Variants in MIGA2 observed in about 807,000 individuals in gnomAD.
MIGA2 encodes the protein mitoguardin 2.
Under a neutral mutation model 69.9 loss-of-function variants are expected in MIGA2, and 36 were observed. The observed-to-expected ratio is 0.52, with a 90% CI of 0.39 to 0.68. The LOEUF is 0.68. Ranked by LOEUF, MIGA2 falls within the 30% of genes least tolerant of loss-of-function variation. The pLI is 0.00. For synonymous variants in MIGA2, 333 were observed against 349.2 expected (o/e 0.95, Z 0.52); for missense variants, 660 against 787.7 (o/e 0.84, Z 1.94).
intron 4 of MIGA2, among the ~76,000 whole-genome samples, chr9:129,049,043 ACT>A (rs933744682): frequency 2.6e-5 from 4 of 152,078 alleles, no homozygotes; most frequent in African/African-American, 4.8e-5. Context: ...CAGAATGGGT[ACT>A]CTCTGTCTTC....
Position 129,070,279 on chromosome 9 carries a change from C to CA in MIGA2, c.1608_1609insA (p.Asp537ArgfsTer80). On this transcript the variant is annotated frameshift_variant, in exon 16 of 16. Coordinates refer to ENST00000684074, the MANE Select transcript of MIGA2 (RefSeq NM_001329990.2). LOFTEE classifies it high-confidence loss of function. ...TTGTGCAGTACCTGAGGGACATGTT[C>CA]GACCTGGACAATGTGCGCTACACGT... 6.2e-7 allele frequency: 1 copy of CA among 1,613,086 alleles called. No homozygotes were observed. Among genetic ancestry groups the CA allele is most frequent in the Non-Finnish European group, 8.5e-7 (1 of 1,179,996 alleles).
intron 6 of MIGA2, among the ~76,000 whole-genome samples, chr9:129,051,982 C>T (rs568479991): frequency 3.2e-4 from 48 of 151,946 alleles, no homozygotes; most frequent in Non-Finnish European, 5.4e-4. Flanking sequence ...CCTACCACCA[C>T]GCCCAGCTAA....
At chr9:129,066,778 C>T (rs1290702264) in intron 11 of MIGA2, among the ~76,000 whole-genome samples, 2 of 147,728 alleles carry the variant, frequency 1.4e-5, no homozygotes, top group Non-Finnish European at 3.0e-5. Flanking sequence ...GCTAACATGG[C>T]GAAACCCCGT....
chr9:129,049,599 C>A, intron 5 of MIGA2, 101 bp downstream of exon 5: 1 of 1,299,986 alleles, frequency 7.7e-7, no homozygotes, highest in Non-Finnish European at 1.1e-6. Context: ...CCCCTCACTA[C>A]CCTGCCCCAA....
chr9:129,063,178 A>T, intron 9 of MIGA2, 66 bp from the exon 10 acceptor site: 4 of 1,566,042 alleles, frequency 2.6e-6, no homozygotes, highest in Non-Finnish European at 2.6e-6. Flanking sequence ...CCCAGGTGCC[A>T]CCTGACCCCC....
chr9:129,048,596 GACTCT>G (rs1845359161), intron 4 of MIGA2, 57 bp downstream of exon 4: 3 of 1,378,718 alleles, frequency 2.2e-6, no homozygotes, highest in Non-Finnish European at 3.1e-6. Context: ...CCCTGCTGAG[GACTCT>G]GCCCTCAGCA....
At chr9:129,041,268 G>A (rs1184267959) in intron 2 of MIGA2, among the ~76,000 whole-genome samples, 1 of 151,942 alleles carries the variant, frequency 6.6e-6, no homozygotes, top group Admixed American at 6.6e-5. Flanking sequence ...GGAGGCGGAG[G>A]TTGCAATGAG....
rs975105080 is a variant in MIGA2, at chr9:129,068,397, C to T, written c.1404+65C>T. 15 of 1,586,766 alleles carry T rather than the reference C, an allele frequency of 9.5e-6. No homozygotes were observed. Among genetic ancestry groups the T allele is most frequent in the African/African-American group, 8.0e-5 (6 of 74,706 alleles). ...ATCAGCCCGTGTGGTTGCCTGGCTC[C>T]GTCCCCTCTGTCCCTAGCACTGGCA... On this transcript the variant is annotated intron_variant, in intron 13 of 15. Coordinates refer to ENST00000684074, the MANE Select transcript of MIGA2 (RefSeq NM_001329990.2). The surrounding 1 kb of genome is among the most constrained non-coding windows in gnomAD (Gnocchi z 4.1).
intron 1 of MIGA2, among the ~76,000 whole-genome samples, chr9:129,040,081 G>A (rs1253015088): frequency 6.6e-6 from 1 of 152,222 alleles, no homozygotes; most frequent in African/African-American, 2.4e-5. Flanking sequence ...GTAAAAAGAT[G>A]CAATGATTCT....
chr9:129,063,546 G>A lies in MIGA2; in HGVS notation c.1085G>A (p.Gly362Glu), dbSNP rs1012380603. The A allele has an allele frequency of 4.3e-6, 7 of 1,613,764 alleles. No homozygotes were observed. The highest frequency in any genetic ancestry group is 4.2e-6 in the Non-Finnish European group (5 of 1,179,834). Residue 362 changes from glycine to glutamate, a missense_variant and splice_region_variant, in exon 11 of 16, where the codon GGG becomes GAG. Coordinates refer to ENST00000684074, the MANE Select transcript of MIGA2 (RefSeq NM_001329990.2). ...TCCCCTCCCTTCCTCCTTCCCTAGG[G>A]GCTTCTGGAAGACAAGAGTAACCAG... ...KLHCVRQAFE[G>E]LLEDKSNQLF...
intron 9 of MIGA2, 109 bp from the exon 10 acceptor site, chr9:129,063,134 GC>G: frequency 9.0e-7 from 1 of 1,108,992 alleles, no homozygotes; most frequent in Non-Finnish European, 1.3e-6. Context: ...CTGAGGCAGG[GC>G]CAGGGCTGGA....
chr9:129,042,171 C>T, intron 2 of MIGA2, 133 bp from the exon 3 acceptor site: 1 of 819,124 alleles, frequency 1.2e-6, no homozygotes, highest in East Asian at 2.7e-5. Context: ...GGCTGCCTCT[C>T]AGTCTCTCAT....
At position 129,040,710 on chromosome 9, in the gene MIGA2, G is replaced by T. The variant is rs753011054; in HGVS notation, c.96+20G>T. ...GGGCAGGTAAGGATCAGGGTGGGTT[G>T]TACCTCTGGTCTATGAAACACTTCC... is the stretch of plus-strand genomic sequence containing the variant. On this transcript the variant is annotated intron_variant, in intron 2 of 15. Transcript: ENST00000684074. 2 of 1,606,238 alleles carry T rather than the reference G, an allele frequency of 1.2e-6. No individual in the cohort carries two copies. Among genetic ancestry groups the T allele is most frequent in the Non-Finnish European group, 8.5e-7 (1 of 1,174,340 alleles).
At position 129,059,480 on chromosome 9, in the gene MIGA2, G is replaced by A. The variant is rs897757511; in HGVS notation, c.793+209G>A. Reference sequence around the variant, plus strand: ...CTCCATGGCAGGCTGGAGCAGAGCTGAGGTGAGGCCCAGAATCCCCAGCAA... The same window carrying A: ...CTCCATGGCAGGCTGGAGCAGAGCTAAGGTGAGGCCCAGAATCCCCAGCAA... On this transcript the variant is annotated intron_variant, in intron 7 of 15. Transcript: ENST00000684074. This position sits in a 1 kb window ranked among gnomAD's most constrained non-coding sequence, Gnocchi z 5.6. Among the ~76,000 whole-genome samples the A allele has an allele frequency of 6.6e-6, 1 of 152,214 alleles. No individual in the cohort carries two copies. Among genetic ancestry groups the A allele is most frequent in the African/African-American group, 2.4e-5 (1 of 41,446 alleles).
At chr9:129,058,382 G>T (rs559849962) in intron 6 of MIGA2, among the ~76,000 whole-genome samples, 81 of 144,424 alleles carry the variant, frequency 5.6e-4, no homozygotes, top group African/African-American at 2.0e-3. Flanking sequence ...CGGGCTGGGT[G>T]ACAGAACGAG....
At chr9:129,045,150 C>CA (rs543356730) in intron 3 of MIGA2, among the ~76,000 whole-genome samples, 6,488 of 85,926 alleles carry the variant, frequency 0.076, 268 homozygotes, top group African/African-American at 0.14. Flanking sequence ...GACTCTATCT[C>CA]AAAAAAAAAA....
Position 129,061,432 on chromosome 9 carries a change from C to A in MIGA2, c.1010+86C>A. On this transcript the variant is annotated intron_variant, in intron 9 of 15. Coordinates refer to ENST00000684074, the MANE Select transcript of MIGA2 (RefSeq NM_001329990.2). The surrounding 1 kb of genome is among the most constrained non-coding windows in gnomAD (Gnocchi z 5.0). ...GCGGGAGGCGGAGAAGCCAGCGGTG[C>A]TTGGCGAGGACTTAGCCTGAGTGAG... 8.0e-7 allele frequency: 1 copy of A among 1,254,370 alleles called. No individual in the cohort carries two copies. The highest frequency in any genetic ancestry group is 2.0e-5 in the Admixed American group (1 of 49,082). 77.7% of individuals were successfully genotyped at this position (1,254,370 alleles called of 1,614,324 possible). A position where few individuals can be genotyped will look rare whatever the true frequency, so the allele number is the denominator to read the frequency against.
At chr9:129,050,330 A>G (rs1234606956) in intron 6 of MIGA2, among the ~76,000 whole-genome samples, 1 of 152,204 alleles carries the variant, frequency 6.6e-6, no homozygotes, top group Non-Finnish European at 1.5e-5. Flanking sequence ...GCTGGAGTGC[A>G]GTGGCGCAAT....
intron 3 of MIGA2, among the ~76,000 whole-genome samples, chr9:129,043,753 TGCTGTG>T (rs1280223999): frequency 6.6e-6 from 1 of 151,266 alleles, no homozygotes; most frequent in Non-Finnish European, 1.5e-5. Flanking sequence ...CGGGCTGGAG[TGCTGTG>T]GCATGATCTT....
Sources: gnomAD v4.1 joint callset for allele counts (sites outside exome capture counted in the v4.1 genomes callset) on GRCh38, gnomAD v4.1.1 for gene constraint, Gnocchi (gnomAD v3.1) non-coding constraint, MANE v1.5 for transcripts, NCBI Gene and HGNC (gene_info 2026-07-23, HGNC 2026-07-21) for gene names.